MARCHF1: variants seen among roughly 807,000 people sequenced by gnomAD.
MARCHF1 encodes the protein E3 ubiquitin-protein ligase MARCHF1.
A neutral mutation model predicts 54.2 loss-of-function variants in MARCHF1; 40 were observed. The observed-to-expected ratio is 0.74, with a 90% CI of 0.57 to 0.96. The LOEUF (loss-of-function observed/expected upper bound fraction) is 0.96. Ranked by LOEUF, MARCHF1 falls within the 40% of genes least tolerant of loss-of-function variation. The pLI is 0.00. For missense variants in MARCHF1, 586 were observed against 656.5 expected, an observed-to-expected ratio of 0.89 and a Z score of 1.17; for synonymous variants, 236 against 236.3, an observed-to-expected ratio of 1.00 and a Z score of 0.01.
chr4:164,164,253 T>C (rs1316233540), intron 1 of MARCHF1, among the ~76,000 whole-genome samples: 2 of 151,374 alleles, frequency 1.3e-5, no homozygotes, highest in Non-Finnish European at 3.0e-5. Flanking sequence ...ATCAATGAAA[T>C]AGATAATTGA....
intron 1 of MARCHF1, among the ~76,000 whole-genome samples, chr4:164,182,500 A>G (rs1044351248): frequency 2.0e-5 from 3 of 152,014 alleles, no homozygotes; most frequent in African/African-American, 7.2e-5. Context: ...CTCAAAGAAT[A>G]TCATCTCTCT....
At chr4:164,075,881 G>A (rs747497445) in intron 2 of MARCHF1, among the ~76,000 whole-genome samples, 3 of 152,068 alleles carry the variant, frequency 2.0e-5, no homozygotes, top group African/African-American at 7.2e-5. Context: ...TATGCATATA[G>A]GAGCCTATAA....
intron 3 of MARCHF1, among the ~76,000 whole-genome samples, chr4:163,912,135 G>A (rs75632062): frequency 2.0e-5 from 3 of 151,256 alleles, no homozygotes; most frequent in African/African-American, 7.3e-5. Flanking sequence ...GGAAAAAAAC[G>A]AGAGAGAGAG....
intron 2 of MARCHF1, among the ~76,000 whole-genome samples, chr4:164,040,080 G>T (rs1475758542): frequency 7.0e-6 from 1 of 143,024 alleles, no homozygotes; most frequent in Non-Finnish European, 1.5e-5. Flanking sequence ...GTATATATAT[G>T]CATATATACA....
At chr4:164,019,797 C>T (rs759951261) in intron 2 of MARCHF1, among the ~76,000 whole-genome samples, 5 of 152,178 alleles carry the variant, frequency 3.3e-5, no homozygotes, top group Non-Finnish European at 7.3e-5. Context: ...AAAACAATCC[C>T]TTATTTGGGA....
chr4:163,651,811 A>G (rs1463204348), intron 5 of MARCHF1, among the ~76,000 whole-genome samples: 1 of 143,016 alleles, frequency 7.0e-6, no homozygotes, highest in Non-Finnish European at 1.5e-5. Flanking sequence ...TTTTTTTTTT[A>G]AAGTTAGTCC....
intron 1 of MARCHF1, among the ~76,000 whole-genome samples, chr4:164,310,883 T>C (rs577616171): frequency 6.6e-6 from 1 of 152,292 alleles, no homozygotes; most frequent in Non-Finnish European, 1.5e-5. Context: ...TGATTTTTCT[T>C]CTCCATTTAG....
chr4:164,023,902 C>A (rs1305147594), intron 2 of MARCHF1, among the ~76,000 whole-genome samples: 1 of 152,092 alleles, frequency 6.6e-6, no homozygotes, highest in African/African-American at 2.4e-5. Flanking sequence ...CCAAACTAAA[C>A]TCTGGAACTG....
chr4:163,877,306 A>T (rs1750310289), intron 3 of MARCHF1, among the ~76,000 whole-genome samples: 1 of 152,148 alleles, frequency 6.6e-6, no homozygotes, highest in Non-Finnish European at 1.5e-5. Flanking sequence ...TTCTTTGTAC[A>T]TGTCCAGGGT....
intron 1 of MARCHF1, among the ~76,000 whole-genome samples, chr4:164,270,639 T>A (rs1733723456): frequency 6.6e-6 from 1 of 152,206 alleles, no homozygotes; most frequent in Admixed American, 6.5e-5. Flanking sequence ...TTACATTAAC[T>A]AATTCAAGGA....
At position 164,313,182 on chromosome 4, in the gene MARCHF1, C is replaced by CAA. The variant is rs140895798; in HGVS notation, c.-323+70686_-323+70687dup. On this transcript the variant is annotated intron_variant, in intron 1 of 9. Transcript: ENST00000514618. ...TGAAACCCCGTCTCTACTAAAAATA[C>CAA]AAAAAAAAAAAAAAAAATCAGCCAG... Among the ~76,000 whole-genome samples, 1,097 of 119,328 alleles carry CAA rather than the reference C, an allele frequency of 9.2e-3. 12 individuals are homozygous for CAA. Among genetic ancestry groups the CAA allele is most frequent in the African/African-American group, 0.02 (633 of 31,126 alleles). 78.3% of individuals were successfully genotyped at this position (119,328 alleles called of 152,430 possible).
chr4:164,331,431 T>C (rs1735431268), intron 1 of MARCHF1, among the ~76,000 whole-genome samples: 1 of 152,230 alleles, frequency 6.6e-6, no homozygotes, highest in Non-Finnish European at 1.5e-5. Flanking sequence ...TGTACTTCTT[T>C]GATTCTAGAC....
In MARCHF1 at chr4:163,682,324, G is replaced by T. The variant is rs533150913; in HGVS notation, c.162+18489C>A. Among the ~76,000 whole-genome samples, 50 of 152,306 alleles carry T rather than the reference G, an allele frequency of 3.3e-4. No individual in the cohort carries two copies. The South Asian group carries it at 9.9e-3, about 30-fold the overall frequency. ...AGAAAAGGAAAAACCCATTTTCTGG[G>T]GAGAAATTCAAGCCAGCTGCAGAAA... On this transcript the variant is annotated intron_variant, in intron 5 of 9. Coordinates refer to ENST00000514618, the MANE Select transcript of MARCHF1 (RefSeq NM_001394959.1).
Position 163,597,764 on chromosome 4 carries a change from A to G in MARCHF1, c.1011-11835T>C, listed in dbSNP as rs558975138. Among the ~76,000 whole-genome samples, 3 of 152,304 alleles carry G rather than the reference A, an allele frequency of 2.0e-5. No homozygotes were observed. In the South Asian group the frequency reaches 6.2e-4, roughly 32 times the overall value. ...TATCTGAACAATTTGGAAACATGCC[A>G]TGAGTTATCAGTAGATACTGAGTTG... On this transcript the variant is annotated intron_variant, in intron 7 of 9. Transcript: ENST00000514618.
chr4:163,767,601 T>C (rs1262308666), intron 4 of MARCHF1, among the ~76,000 whole-genome samples: 2 of 152,194 alleles, frequency 1.3e-5, no homozygotes, highest in African/African-American at 4.8e-5. Context: ...CCCAAAGTGC[T>C]GGGATTACAG....
At chr4:163,935,631 A>G (rs1309465101) in intron 3 of MARCHF1, among the ~76,000 whole-genome samples, 2 of 151,350 alleles carry the variant, frequency 1.3e-5, no homozygotes, top group Admixed American at 1.3e-4. Context: ...AGAATGTTGT[A>G]GATAATTGAT....
chr4:163,627,052 T>C (rs1343423215), intron 5 of MARCHF1, among the ~76,000 whole-genome samples: 1 of 152,234 alleles, frequency 6.6e-6, no homozygotes, highest in Non-Finnish European at 1.5e-5. Flanking sequence ...TAGAATGTAC[T>C]TATGAAATCT....
At chr4:164,100,301 T>C (rs931622344) in intron 2 of MARCHF1, among the ~76,000 whole-genome samples, 7 of 152,230 alleles carry the variant, frequency 4.6e-5, no homozygotes, top group African/African-American at 1.7e-4. Flanking sequence ...TCTAAACTCA[T>C]TAAGAGAGTC....
chr4:163,846,426 G>C (rs1749486675), intron 4 of MARCHF1, among the ~76,000 whole-genome samples: 1 of 152,260 alleles, frequency 6.6e-6, no homozygotes, highest in African/African-American at 2.4e-5. Context: ...ATTTGCTGTA[G>C]GTGGATGTAT....
Sources: allele counts gnomAD v4.1 joint callset (sites outside exome capture counted in the v4.1 genomes callset), GRCh38; gene constraint gnomAD v4.1.1; transcripts MANE v1.5; gene names NCBI Gene and HGNC (gene_info 2026-07-23, HGNC 2026-07-21).